Variants in OVCH1 observed in about 807,000 individuals in gnomAD.
OVCH1 encodes ovochymase-1.
A neutral mutation model predicts 138.4 loss-of-function variants in OVCH1; 139 were observed. The observed-to-expected ratio is 1.00, with a 90% CI of 0.87 to 1.16. The LOEUF (loss-of-function observed/expected upper bound fraction) is 1.16, where lower values mean the gene tolerates loss of function less well. Ranked by LOEUF, OVCH1 falls within the 50% of genes most tolerant of loss-of-function variation. The pLI, the probability that OVCH1 is intolerant of heterozygous loss-of-function variation, is 0.00. For synonymous variants in OVCH1, 453 were observed against 467.8 expected (o/e 0.97, Z 0.41); for missense variants, 1,367 against 1,357.9 (o/e 1.01, Z -0.11).
intron 6 of OVCH1, 59 bp from the exon 7 acceptor site, chr12:29,487,941 C>A (rs925499425): frequency 6.8e-7 from 1 of 1,479,230 alleles, no homozygotes; most frequent in Non-Finnish European, 9.1e-7. Flanking sequence ...AATATTTCAT[C>A]ATTTCTGTAA....
At chr12:29,464,540 A>T in exon 18 of OVCH1, 1 of 1,613,588 alleles carries the variant, frequency 6.2e-7, no homozygotes, top group Non-Finnish European at 8.5e-7. Flanking sequence ...GTCACAGCAC[A>T]GATCTCCGAG....
At chr12:29,488,007 A>T (rs183399654) in intron 6 of OVCH1, 125 bp from the exon 7 acceptor site, 1 of 856,272 alleles carries the variant, frequency 1.2e-6, no homozygotes, top group African/African-American at 1.7e-5. Context: ...TCCACTAGTC[A>T]TCGTCCATCA....
At chr12:29,435,742 A>T (rs569818826) in intron 26 of OVCH1, among the ~76,000 whole-genome samples, 1 of 152,276 alleles carries the variant, frequency 6.6e-6, no homozygotes, top group East Asian at 1.9e-4. Context: ...TCAGAAGATG[A>T]TGTAATCTCA....
At chr12:29,431,735 A>G (rs759556817) in intron 27 of OVCH1, among the ~76,000 whole-genome samples, 3 of 152,188 alleles carry the variant, frequency 2.0e-5, no homozygotes, top group African/African-American at 7.2e-5. Context: ...AACCTCACAC[A>G]TGGGGTATAT....
intron 27 of OVCH1, chr12:29,427,762 G>A (rs1292586988): frequency 7.2e-7 from 1 of 1,388,582 alleles, no homozygotes; most frequent in African/African-American, 1.4e-5. Flanking sequence ...AGCAACAGGG[G>A]TCTATATTCA....
At chr12:29,455,654 AATTAC>A (rs1304073993) in intron 19 of OVCH1, among the ~76,000 whole-genome samples, 1 of 152,208 alleles carries the variant, frequency 6.6e-6, no homozygotes, top group East Asian at 1.9e-4. Flanking sequence ...AAAAGAAAAC[AATTAC>A]ATTACTAAAT....
intron 7 of OVCH1, 70 bp downstream of exon 7, chr12:29,487,623 A>C: frequency 7.1e-7 from 1 of 1,398,918 alleles, no homozygotes; most frequent in Non-Finnish European, 9.7e-7. Context: ...CTTAGTTCTG[A>C]TAATATCGCA....
chr12:29,444,724 A>G (rs1256886080), intron 23 of OVCH1, among the ~76,000 whole-genome samples: 1 of 151,984 alleles, frequency 6.6e-6, no homozygotes, highest in Non-Finnish European at 1.5e-5. Flanking sequence ...ACTAGCTTTC[A>G]GTTGTCTACA....
At chr12:29,474,593 A>C (rs1314721912) in intron 14 of OVCH1, among the ~76,000 whole-genome samples, 1 of 152,118 alleles carries the variant, frequency 6.6e-6, no homozygotes, top group African/African-American at 2.4e-5. Context: ...CAAAACATGT[A>C]GAGTTATTTG....
chr12:29,452,936 T>C (rs976890438), intron 21 of OVCH1, among the ~76,000 whole-genome samples: 1 of 152,202 alleles, frequency 6.6e-6, no homozygotes, highest in Non-Finnish European at 1.5e-5. Context: ...TTGGCGTGCA[T>C]AACCATTTCT....
At chr12:29,443,685 T>C (rs1274743386) in intron 24 of OVCH1, among the ~76,000 whole-genome samples, 185 bp from the exon 25 acceptor site, 1 of 152,148 alleles carries the variant, frequency 6.6e-6, no homozygotes, top group Non-Finnish European at 1.5e-5. Flanking sequence ...TATTATCTAA[T>C]ACGTAATTTG....
At chr12:29,457,387 A>ATTTTTT in intron 19 of OVCH1, among the ~76,000 whole-genome samples, 1 of 68,868 alleles carries the variant, frequency 1.5e-5, no homozygotes, top group Admixed American at 2.5e-4. Context: ...AAACAAATGA[A>ATTTTTT]TTTTTTTTTT....
At chr12:29,424,636 C>T (rs941892978), downstream of OVCH1, among the ~76,000 whole-genome samples, 8 of 152,180 alleles carry the variant, frequency 5.3e-5, no homozygotes, top group African/African-American at 1.7e-4. Context: ...TTTGAACCAA[C>T]TCTATCCCTT....
At chr12:29,494,279 A>G (rs566386147) in intron 4 of OVCH1, among the ~76,000 whole-genome samples, 1 of 152,286 alleles carries the variant, frequency 6.6e-6, no homozygotes, top group South Asian at 2.1e-4. Context: ...CCTTAAGGGC[A>G]GTGGCCTGGC....
intron 25 of OVCH1, among the ~76,000 whole-genome samples, chr12:29,441,617 A>G (rs1422570703): frequency 6.6e-6 from 1 of 152,216 alleles, no homozygotes; most frequent in Non-Finnish European, 1.5e-5. Context: ...CAAAATTGAC[A>G]AATGGGATCT....
At chr12:29,420,344 C>A (rs1040620191) in intron 3 of OVCH1, among the ~76,000 whole-genome samples, 1 of 152,142 alleles carries the variant, frequency 6.6e-6, no homozygotes, top group African/African-American at 2.4e-5. Flanking sequence ...CACCGTTTAG[C>A]AACTCCAGTG....
chr12:29,495,922 G>T (rs1306054084), intron 3 of OVCH1, among the ~76,000 whole-genome samples: 8 of 152,150 alleles, frequency 5.3e-5, no homozygotes, highest in Admixed American at 3.3e-4. Flanking sequence ...ATTACAGTAA[G>T]TAACCACCAC....
At chr12:29,441,518 C>G (rs1386910991) in intron 25 of OVCH1, among the ~76,000 whole-genome samples, 16 of 152,250 alleles carry the variant, frequency 1.1e-4, no homozygotes, top group Middle Eastern at 3.4e-3. Context: ...ATAAAAAACC[C>G]TAGAACAAAA....
chr12:29,420,201 A>G (rs990782361), intron 3 of OVCH1, among the ~76,000 whole-genome samples: 3 of 152,210 alleles, frequency 2.0e-5, no homozygotes, highest in Non-Finnish European at 4.4e-5. Flanking sequence ...ACATGGAAAC[A>G]AGATTCAGAT....
Sources: allele counts gnomAD v4.1 joint callset (sites outside exome capture counted in the v4.1 genomes callset), GRCh38; gene constraint gnomAD v4.1.1; transcripts MANE v1.5; gene names NCBI Gene and HGNC (gene_info 2026-07-23, HGNC 2026-07-21).